DNAJC16: variants seen among roughly 807,000 people sequenced by gnomAD.
DNAJC16 encodes DnaJ heat shock protein family (Hsp40) member C16.
DNAJC16 carries 76 observed loss-of-function variants against 92.7 expected under a neutral mutation model. The observed-to-expected ratio is 0.82, with a 90% confidence interval of 0.68 to 0.99. The LOEUF is 0.99. DNAJC16 is among the 50% of genes least tolerant of loss of function. The pLI, the probability that DNAJC16 is intolerant of heterozygous loss-of-function variation, is 0.00. For synonymous variants in DNAJC16, 328 were observed against 358.7 expected, an observed-to-expected ratio of 0.91 and a Z score of 0.97; for missense variants, 869 against 942.4, an observed-to-expected ratio of 0.92 and a Z score of 1.02.
At chr1:15,549,302 G>C (rs1206665324) in intron 7 of DNAJC16, among the ~76,000 whole-genome samples, 1 of 152,144 alleles carries the variant, frequency 6.6e-6, no homozygotes, top group Non-Finnish European at 1.5e-5. Flanking sequence ...CTACAGTTGG[G>C]TATAGGAATC....
intron 2 of DNAJC16, among the ~76,000 whole-genome samples, chr1:15,530,639 A>G (rs10927796): frequency 0.59 from 89,291 of 152,042 alleles, 26,882 homozygotes; most frequent in African/African-American, 0.71. Flanking sequence ...CTGGTTCTAT[A>G]CTTTTTATCT....
intron 7 of DNAJC16, among the ~76,000 whole-genome samples, chr1:15,557,860 G>A (rs1570924247): frequency 6.6e-6 from 1 of 151,744 alleles, no homozygotes; most frequent in African/African-American, 2.4e-5. Context: ...AACCTCCCAA[G>A]TAGCTGGGAC....
chr1:15,564,828 C>T (rs1387801172), intron 11 of DNAJC16, among the ~76,000 whole-genome samples: 2 of 150,254 alleles, frequency 1.3e-5, no homozygotes, highest in African/African-American at 2.5e-5. Context: ...TGCTCCCGGA[C>T]ATTTTTTATT....
intron 4 of DNAJC16, among the ~76,000 whole-genome samples, chr1:15,540,462 T>A (rs1188184371): frequency 6.6e-6 from 1 of 152,228 alleles, no homozygotes; most frequent in Non-Finnish European, 1.5e-5. Flanking sequence ...AACTTTTTTT[T>A]AGACTCATCA....
At chr1:15,549,837 AAG>A (rs1557580041) in intron 7 of DNAJC16, among the ~76,000 whole-genome samples, 1 of 151,730 alleles carries the variant, frequency 6.6e-6, no homozygotes, top group Non-Finnish European at 1.5e-5. Context: ...AAAAAAAAAA[AAG>A]ATGTTTTGAG....
Position 15,568,254 on chromosome 1 carries a change from C to G in DNAJC16, c.*77C>G. The G allele has an allele frequency of 3.3e-6, 4 of 1,200,980 alleles. No individual in the cohort carries two copies. The South Asian group carries it at 5.8e-5, about 17-fold the overall frequency. 74.4% of individuals were successfully genotyped at this position (1,200,980 alleles called of 1,614,324 possible). On this transcript the variant is annotated 3_prime_UTR_variant, in exon 15 of 15. Transcript: ENST00000375847. ...TGAACAGGTATTTTCAGGACTCAAA[C>G]TACCACAATGAACAGAGTATAGATT...
chr1:15,554,452 C>T (rs565429679), intron 7 of DNAJC16, among the ~76,000 whole-genome samples: 95 of 152,230 alleles, frequency 6.2e-4, no homozygotes, highest in Admixed American at 1.3e-3. Context: ...CATCAAAAAT[C>T]ATGAAGGTAT....
chr1:15,542,554 C>T (rs1024431367), intron 4 of DNAJC16, among the ~76,000 whole-genome samples: 5 of 152,176 alleles, frequency 3.3e-5, no homozygotes, highest in African/African-American at 9.7e-5. Context: ...GTGAGCAGCT[C>T]GAGCAAGTTA....
At chr1:15,534,141 C>T (rs76825553) in intron 2 of DNAJC16, 96 bp from the exon 3 acceptor site, 28 of 1,190,384 alleles carry the variant, frequency 2.4e-5, no homozygotes, top group Non-Finnish European at 2.9e-5. Flanking sequence ...AATAGCCCTC[C>T]GTCTGCCTCT....
At position 15,563,053 on chromosome 1, in the gene DNAJC16, A is replaced by G. The variant is rs1407554955; in HGVS notation, c.1338+728A>G. 5.9e-5 allele frequency among the ~76,000 whole-genome samples: 9 copies of G among 151,288 alleles called. No individual in the cohort carries two copies. In the South Asian group the frequency reaches 1.9e-3, roughly 32 times the overall value. ...TTGATCTCTCCTGCCTTTCTCCTGC[A>G]TTGTCATCACTTCCTACAGAAACAA... On this transcript the variant is annotated intron_variant, in intron 9 of 14. Coordinates refer to ENST00000375847, the MANE Select transcript of DNAJC16 (RefSeq NM_015291.4).
chr1:15,527,912 A>G (rs535318547), intron 1 of DNAJC16, among the ~76,000 whole-genome samples: 2 of 152,358 alleles, frequency 1.3e-5, no homozygotes, highest in East Asian at 1.9e-4. Context: ...TATAACAGCA[A>G]TCATAATTGT....
At chr1:15,540,194 T>C (rs1019597907) in intron 4 of DNAJC16, among the ~76,000 whole-genome samples, 5 of 151,926 alleles carry the variant, frequency 3.3e-5, no homozygotes, top group Non-Finnish European at 7.4e-5. Flanking sequence ...GGCATGGTGG[T>C]GTGTGCCTGT....
rs552480602 is a variant in DNAJC16 at position 15,562,735 on chromosome 1, G to C, written c.1338+410G>C. Reference sequence around the variant, plus strand: ...ACTCCCGAGCTCAGGCAATCCTCCCGCCTCCCAAAGTGCTGGGATTACAGG... The same window carrying C: ...ACTCCCGAGCTCAGGCAATCCTCCCCCCTCCCAAAGTGCTGGGATTACAGG... On this transcript the variant is annotated intron_variant, in intron 9 of 14. Coordinates refer to ENST00000375847, the MANE Select transcript of DNAJC16 (RefSeq NM_015291.4). 3.3e-5 allele frequency among the ~76,000 whole-genome samples: 5 copies of C among 151,568 alleles called. No individual in the cohort carries two copies. The South Asian group carries it at 1.0e-3, about 32-fold the overall frequency.
intron 6 of DNAJC16, among the ~76,000 whole-genome samples, chr1:15,547,756 C>T (rs114746512): frequency 2.6e-4 from 39 of 152,174 alleles, no homozygotes; most frequent in African/African-American, 9.1e-4. Context: ...TCCCTGTTTG[C>T]ATAGAGCAAG....
At chr1:15,538,588 G>A (rs1019924480) in intron 4 of DNAJC16, among the ~76,000 whole-genome samples, 2 of 151,756 alleles carry the variant, frequency 1.3e-5, no homozygotes, top group African/African-American at 2.4e-5. Context: ...ATAGTGGCAC[G>A]TGCCTGTAAT....
At position 15,552,768 on chromosome 1, in the gene DNAJC16, T is replaced by TA. The variant is rs1173136327; in HGVS notation, c.1023+4340_1023+4341insA. On this transcript the variant is annotated intron_variant, in intron 7 of 14. Transcript: ENST00000375847. Reference sequence around the variant, plus strand: ...TTATGTGTCTTTTTATTATTATTATTTATTTTTTTTTTTTTTGGAGACACA... The same window carrying TA: ...TTATGTGTCTTTTTATTATTATTATTATATTTTTTTTTTTTTTGGAGACACA... 1.2e-3 allele frequency among the ~76,000 whole-genome samples: 167 copies of TA among 140,450 alleles called. 2 individuals are homozygous for TA. Among genetic ancestry groups the TA allele is most frequent in the Middle Eastern group, 3.8e-3 (1 of 266 alleles). 92.1% of individuals were successfully genotyped at this position (140,450 alleles called of 152,430 possible).
At chr1:15,563,052 C>T (rs1280556792) in intron 9 of DNAJC16, among the ~76,000 whole-genome samples, 1 of 151,560 alleles carries the variant, frequency 6.6e-6, no homozygotes, top group Non-Finnish European at 1.5e-5. Flanking sequence ...CTTTCTCCTG[C>T]ATTGTCATCA....
At chr1:15,557,279 G>A (rs924650240) in intron 7 of DNAJC16, among the ~76,000 whole-genome samples, 3 of 152,272 alleles carry the variant, frequency 2.0e-5, no homozygotes, top group Non-Finnish European at 2.9e-5. Context: ...TCTGGGTTTC[G>A]CTTTAAGGAA....
At chr1:15,545,176 T>G (rs1638268907) in intron 5 of DNAJC16, among the ~76,000 whole-genome samples, 1 of 152,202 alleles carries the variant, frequency 6.6e-6, no homozygotes, top group Non-Finnish European at 1.5e-5. Flanking sequence ...TAATATGTTT[T>G]TTTCAATATC....
Sources: allele counts gnomAD v4.1 joint callset (sites outside exome capture counted in the v4.1 genomes callset), GRCh38; gene constraint gnomAD v4.1.1; transcripts MANE v1.5; gene names NCBI Gene and HGNC (gene_info 2026-07-23, HGNC 2026-07-21).